Variants in CLPB observed in about 807,000 individuals in gnomAD.
The protein encoded by CLPB is mitochondrial disaggregase.
Under a neutral mutation model 78.4 loss-of-function variants are expected in CLPB, and 40 were observed. That is an observed-to-expected ratio of 0.51 (90% confidence interval 0.40 to 0.66). CLPB has a LOEUF of 0.66. Ranked by LOEUF, CLPB falls within the 30% of genes least tolerant of loss-of-function variation. The pLI is 0.00. For synonymous variants in CLPB, 333 were observed against 348.0 expected, an observed-to-expected ratio of 0.96 and a Z score of 0.48; for missense variants, 780 against 886.9, an observed-to-expected ratio of 0.88 and a Z score of 1.53.
chr11:72,428,318 C>G (rs1856447535), intron 2 of CLPB, among the ~76,000 whole-genome samples: 1 of 152,292 alleles, frequency 6.6e-6, no homozygotes, highest in Admixed American at 6.5e-5. Flanking sequence ...TCCTTCACTC[C>G]TCTGCAAGTC....
In CLPB at chr11:72,285,761, C is replaced by G. The variant is rs1374725379; in HGVS notation, c.*7606G>C. 6.6e-6 allele frequency: 1 copy of G among 152,168 alleles called. No homozygotes were observed. Among genetic ancestry groups the G allele is most frequent in the African/African-American group, 2.4e-5 (1 of 41,420 alleles). 9.4% of individuals were successfully genotyped at this position (152,168 alleles called of 1,614,324 possible). Reference sequence around the variant, plus strand: ...GCTGTCCCTGAATTGCCCAGTTCTGCTCCCTTCCAGAAATAGGTTATGTGT... The same window carrying G: ...GCTGTCCCTGAATTGCCCAGTTCTGGTCCCTTCCAGAAATAGGTTATGTGT... On this transcript the variant is annotated 3_prime_UTR_variant, in exon 16 of 16. Transcript: ENST00000538039.
Position 72,380,326 on chromosome 11 carries a change from T to C in CLPB, c.601A>G (p.Ser201Gly), listed in dbSNP as rs1054983286. ...ADPNLGDDFS[S>G]VYKTAKEQGI... is the part of the protein sequence containing the mutation. ...TGTTCCTTGGCAGTCTTGTAAACAC[T>C]GCTGAAATCATCTCCAAGGTTTGGA... Residue 201 changes from serine to glycine, a missense_variant, in exon 4 of 16, where the codon AGT becomes GGT. Transcript: ENST00000538039. The C allele has an allele frequency of 2.5e-6, 4 of 1,614,210 alleles. No individual in the cohort carries two copies. The highest frequency in any genetic ancestry group is 2.2e-5 in the South Asian group (2 of 91,078).
intron 5 of CLPB, chr11:72,354,277 G>GTGTATATATA (rs1950665798): frequency 3.3e-6 from 1 of 306,680 alleles, no homozygotes; most frequent in African/African-American, 2.2e-5. Context: ...GTGTGTGTGT[G>GTGTATATATA]TATATATATA....
intron 5 of CLPB, among the ~76,000 whole-genome samples, chr11:72,347,341 C>T (rs191334869): frequency 6.6e-6 from 1 of 152,210 alleles, no homozygotes; most frequent in East Asian, 1.9e-4. Context: ...CTCATAACTC[C>T]AGCTACTTGG....
rs1264525805 is a variant in CLPB at position 72,312,054 on chromosome 11, T to C, written c.989-3450A>G. 6.6e-6 allele frequency among the ~76,000 whole-genome samples: 1 copy of C among 152,216 alleles called. No homozygotes were observed. Among genetic ancestry groups the C allele is most frequent in the Non-Finnish European group, 1.5e-5 (1 of 68,042 alleles). On this transcript the variant is annotated intron_variant, in intron 7 of 15. Coordinates refer to ENST00000538039, the MANE Select transcript of CLPB (RefSeq NM_001258392.3). The surrounding 1 kb of genome is among the most constrained non-coding windows in gnomAD (Gnocchi z 4.2). ...GTGGTATAGTGGAGAGGGCAGGAGT[T>C]ACAGGATCTAGCATGGAGTCCCGCC... is the stretch of plus-strand genomic sequence containing the variant.
intron 4 of CLPB, among the ~76,000 whole-genome samples, chr11:72,370,799 T>C (rs1262290009): frequency 6.6e-6 from 1 of 152,196 alleles, no homozygotes; most frequent in Non-Finnish European, 1.5e-5. Context: ...GCAGCTATCA[T>C]CATCATCGTC....
intron 5 of CLPB, chr11:72,357,214 TGACA>T (rs1950734777): frequency 6.7e-6 from 1 of 149,724 alleles, no homozygotes; most frequent in African/African-American, 2.5e-5. Flanking sequence ...TGGCTGTGGC[TGACA>T]GAAAGTGGCA....
chr11:72,347,560 T>A (rs1205732696), intron 5 of CLPB, among the ~76,000 whole-genome samples: 1 of 152,098 alleles, frequency 6.6e-6, no homozygotes, highest in African/African-American at 2.4e-5. Context: ...GGAGATGGGG[T>A]GAGAGTAGAC....
chr11:72,330,291 C>T (rs911098799), intron 5 of CLPB, among the ~76,000 whole-genome samples: 4 of 152,176 alleles, frequency 2.6e-5, no homozygotes, highest in Non-Finnish European at 5.9e-5. Context: ...TGGGCATTTC[C>T]TGTCTGTCTG....
chr11:72,387,474 G>T (rs1449840887), intron 3 of CLPB, among the ~76,000 whole-genome samples: 2 of 152,148 alleles, frequency 1.3e-5, no homozygotes, highest in Non-Finnish European at 2.9e-5. Context: ...TGGGAAGACA[G>T]CATGGCATTT....
intron 10 of CLPB, 21 bp downstream of exon 10, chr11:72,302,283 T>C: frequency 1.2e-6 from 2 of 1,613,312 alleles, no homozygotes; most frequent in Non-Finnish European, 1.7e-6. Context: ...CATGCTTCAA[T>C]CAAGGACTGT....
rs182399929 is a variant in CLPB at position 72,312,824 on chromosome 11, T to C, written c.989-4220A>G. 1.7e-4 allele frequency among the ~76,000 whole-genome samples: 26 copies of C among 152,010 alleles called. No homozygotes were observed. Among genetic ancestry groups the C allele is most frequent in the African/African-American group, 6.3e-4 (26 of 41,362 alleles). On this transcript the variant is annotated intron_variant, in intron 7 of 15. Transcript: ENST00000538039. This position sits in a 1 kb window ranked among gnomAD's most constrained non-coding sequence, Gnocchi z 4.2. The stretch of plus-strand genomic sequence containing the variant: ...TCAAAAAAGGTGCGTGCCATAGAGG[T>C]AAAGGCTGCTATGAAAACTGTGGGC...
In CLPB at chr11:72,288,236, T is replaced by G. The variant is rs1949413018; in HGVS notation, c.*5131A>C. 1 of 152,128 alleles carries G rather than the reference T, an allele frequency of 6.6e-6. No homozygotes were observed. The highest frequency in any genetic ancestry group is 2.4e-5 in the African/African-American group (1 of 41,434). 9.4% of individuals were successfully genotyped at this position (152,128 alleles called of 1,614,324 possible). ...GGTACAGTCGTTGACGCTTGTAATCTCAGCACTCTGGGAGGCCAAGGTGGG... is the reference window on the plus strand; with the variant it reads ...GGTACAGTCGTTGACGCTTGTAATCGCAGCACTCTGGGAGGCCAAGGTGGG... On this transcript the variant is annotated 3_prime_UTR_variant, in exon 16 of 16. Coordinates refer to ENST00000538039, the MANE Select transcript of CLPB (RefSeq NM_001258392.3).
intron 5 of CLPB, among the ~76,000 whole-genome samples, chr11:72,352,229 G>T (rs992146180): frequency 6.6e-6 from 1 of 152,152 alleles, no homozygotes; most frequent in Admixed American, 6.5e-5. Context: ...TCCATTGTGT[G>T]ACCATCCCAC....
intron 13 of CLPB, 21 bp downstream of exon 13, chr11:72,294,599 G>A (rs1205988393): frequency 1.9e-6 from 3 of 1,612,270 alleles, no homozygotes; most frequent in Non-Finnish European, 2.5e-6. Context: ...CCAGCAGGAA[G>A]TGCCAAGAAA....
At chr11:72,400,436 C>A (rs1464213304) in intron 3 of CLPB, among the ~76,000 whole-genome samples, 2 of 152,204 alleles carry the variant, frequency 1.3e-5, no homozygotes, top group African/African-American at 4.8e-5. Context: ...ACAGAGCAAT[C>A]AGTTAAGCCA....
intron 3 of CLPB, among the ~76,000 whole-genome samples, chr11:72,400,162 A>C (rs1393002851): frequency 2.0e-5 from 3 of 152,216 alleles, no homozygotes; most frequent in Admixed American, 1.3e-4. Flanking sequence ...GTGGGCAGGG[A>C]TCTTTGTTTT....
chr11:72,360,613 T>C (rs1950820435), intron 4 of CLPB, among the ~76,000 whole-genome samples: 1 of 152,076 alleles, frequency 6.6e-6, no homozygotes, highest in Admixed American at 6.5e-5. Context: ...ATTTTTGTAT[T>C]TTTAGTAGAG....
At chr11:72,347,104 T>C (rs556415754) in intron 5 of CLPB, among the ~76,000 whole-genome samples, 1 of 151,358 alleles carries the variant, frequency 6.6e-6, no homozygotes, top group Admixed American at 6.6e-5. Flanking sequence ...CTGGTCAATG[T>C]GGAGTACGTG....
Sources: allele counts gnomAD v4.1 joint callset (sites outside exome capture counted in the v4.1 genomes callset), GRCh38; gene constraint gnomAD v4.1.1; non-coding constraint Gnocchi (gnomAD v3.1); transcripts MANE v1.5; gene names NCBI Gene and HGNC (gene_info 2026-07-23, HGNC 2026-07-21).